Variants in PNP observed in about 807,000 individuals in gnomAD.
PNP encodes purine nucleoside phosphorylase, also known as HEL-S-156an.
Under a neutral mutation model 26.8 loss-of-function variants are expected in PNP, and 18 were observed. The observed-to-expected ratio is 0.67, with a 90% confidence interval of 0.46 to 1.00. The LOEUF (loss-of-function observed/expected upper bound fraction) is 1.00, where lower values mean the gene tolerates loss of function less well. Ranked by LOEUF, PNP falls within the 50% of genes least tolerant of loss-of-function variation. PNP has a pLI of 0.00. For synonymous variants in PNP, 116 were observed against 124.8 expected, an observed-to-expected ratio of 0.93 and a Z score of 0.47; for missense variants, 320 against 362.9, an observed-to-expected ratio of 0.88 and a Z score of 0.96.
Position 20,472,737 on chromosome 14 carries a change from T to C in PNP, c.181+260T>C, listed in dbSNP as rs937624080. On this transcript the variant is annotated intron_variant, in intron 2 of 5. Transcript: ENST00000361505. ...AGAGGGCCAGGTGACAGGGGCCAAG[T>C]AAAGGGCAAGGGTTGTTTATTTGGT... The C allele has an allele frequency of 5.9e-5, 32 of 541,384 alleles. 1 individual carries two copies. The East Asian group carries it at 1.0e-3, about 17-fold the overall frequency. 33.5% of individuals were successfully genotyped at this position (541,384 alleles called of 1,614,324 possible). A position where few individuals can be genotyped will look rare whatever the true frequency, so the allele number is the denominator to read the frequency against.
chr14:20,474,389 G>A lies in PNP; in HGVS notation c.182-83G>A, dbSNP rs368751270. ...TACAACCTAACATTTTGAGCAGAGC[G>A]AGTAACTCACAGTAGGTGCTTAATG... On this transcript the variant is annotated intron_variant, in intron 2 of 5. Coordinates refer to ENST00000361505, the MANE Select transcript of PNP (RefSeq NM_000270.4). 39 of 1,117,076 alleles carry A rather than the reference G, an allele frequency of 3.5e-5. No homozygotes were observed. The African/African-American group carries it at 4.4e-4, about 13-fold the overall frequency. 69.2% of individuals were successfully genotyped at this position (1,117,076 alleles called of 1,614,324 possible).
intron 2 of PNP, 131 bp from the exon 3 acceptor site, chr14:20,474,341 T>G: frequency 1.3e-6 from 1 of 777,172 alleles, no homozygotes; most frequent in Non-Finnish European, 2.2e-6. Context: ...AAAGCAGAGA[T>G]AATAATGAGT....
chr14:20,474,964 C>A lies in PNP; in HGVS notation c.461+16C>A. On this transcript the variant is annotated intron_variant, in intron 4 of 5. Transcript: ENST00000361505. ...ATGATGAAAGGTATGTATGTTACTC[C>A]GTTTTTTTTAGGTGGGTAGGATTTA... The A allele has an allele frequency of 6.2e-7, 1 of 1,613,876 alleles. No individual in the cohort carries two copies. Among genetic ancestry groups the A allele is most frequent in the Non-Finnish European group, 8.5e-7 (1 of 1,179,838 alleles).
chr14:20,477,054 CA>C lies in PNP; in HGVS notation c.*454del, dbSNP rs2139340458. The C allele has an allele frequency of 4.6e-6, 1 of 215,584 alleles. No homozygotes were observed. Among genetic ancestry groups the C allele is most frequent in the South Asian group, 7.0e-5 (1 of 14,274 alleles). The allele number at this position is 215,584 out of a possible 1,614,324, so 13.4% of individuals were successfully genotyped here. ...ATACCTCTTGGATTTTATTTAATGT[CA>C]TAATGTTGTCAGAATAAAGAGAAAG... On this transcript the variant is annotated 3_prime_UTR_variant, in exon 6 of 6. Transcript: ENST00000361505.
In PNP at chr14:20,476,774, C is replaced by T. The variant is rs1347907855; in HGVS notation, c.*173C>T. On this transcript the variant is annotated 3_prime_UTR_variant, in exon 6 of 6. Transcript: ENST00000361505. ...CCAGACCCTTCTGGTGCCAGATCCT[C>T]TTCTCAAAGCTGGGATTACAGGTGT... 1.0e-5 allele frequency: 7 copies of T among 670,634 alleles called. No individual in the cohort carries two copies. The Admixed American group carries it at 1.1e-4, about 10-fold the overall frequency. The allele number at this position is 670,634 out of a possible 1,614,324, so 41.5% of individuals were successfully genotyped here.
At position 20,476,891 on chromosome 14, in the gene PNP, T is replaced by C; in HGVS notation, c.*290T>C. ...GCTGGAGCCCGTGCCCTACCACACA[T>C]CTGTGGAGATGCCCAGGATTTGACT... On this transcript the variant is annotated 3_prime_UTR_variant, in exon 6 of 6. Transcript: ENST00000361505. The C allele has an allele frequency of 2.3e-6, 1 of 437,842 alleles. No homozygotes were observed. Among genetic ancestry groups the C allele is most frequent in the Non-Finnish European group, 4.3e-6 (1 of 235,012 alleles). 27.1% of individuals were successfully genotyped at this position (437,842 alleles called of 1,614,324 possible).
At chr14:20,475,273 G>A in intron 5 of PNP, 21 bp downstream of exon 5, 1 of 1,606,254 alleles carries the variant, frequency 6.2e-7, no homozygotes, top group Non-Finnish European at 8.5e-7. Flanking sequence ...GAATTTGGCT[G>A]GAAGCTTGAA....
intron 1 of PNP, among the ~76,000 whole-genome samples, chr14:20,470,303 T>C (rs1881961093): frequency 6.6e-6 from 1 of 152,254 alleles, no homozygotes; most frequent in Non-Finnish European, 1.5e-5. Flanking sequence ...AGACATGCCA[T>C]GTGGCGGCAG....
intron 2 of PNP, chr14:20,474,252 A>AC (rs1882049141): frequency 1.9e-6 from 1 of 523,596 alleles, no homozygotes; most frequent in African/African-American, 1.9e-5. Context: ...TGCTGAACGC[A>AC]CCCCATATCT....
In PNP at chr14:20,475,210, G is replaced by A; in HGVS notation, c.610G>A (p.Ala204Thr). The stretch of plus-strand genomic sequence containing the variant: ...GGCAGGCCCCAGCTTTGAGACTGTG[G>A]CAGAATGTCGTGTGCTGCAGAAGCT... Reference protein sequence around the residue: ...MVAGPSFETVAECRVLQKLGA... With the variant: ...MVAGPSFETVTECRVLQKLGA... Residue 204 changes from alanine (A) to threonine (T), a missense_variant, in exon 5 of 6, where the codon GCA becomes ACA. Transcript: ENST00000361505. 1 of 1,613,940 alleles carries A rather than the reference G, an allele frequency of 6.2e-7. No homozygotes were observed. The highest frequency in any genetic ancestry group is 8.5e-7 in the Non-Finnish European group (1 of 1,179,840).
At chr14:20,472,619 C>G (rs909743606) in intron 2 of PNP, 142 bp downstream of exon 2, 7 of 820,748 alleles carry the variant, frequency 8.5e-6, no homozygotes, top group African/African-American at 6.8e-5. Flanking sequence ...AAAAGCCCAC[C>G]ATGAGTCAGA....
In PNP at chr14:20,474,799, C is replaced by T. The variant is rs1240240033; in HGVS notation, c.312C>T (p.His104=). ...TGACATTCCCAGTGAGGGTTTTCCA[C>T]CTTCTGGGTGTGGACACCCTGGTAG... ...WKVTFPVRVF[H]LLGVDTLVVT... is the part of the protein sequence containing the mutation. The change falls in exon 4 of 6, where the codon CAC becomes CAT. Residue 104 remains histidine (H), a synonymous_variant. Transcript: ENST00000361505. 3.1e-6 allele frequency: 5 copies of T among 1,614,026 alleles called. No homozygotes were observed. In the Admixed American group the frequency reaches 6.7e-5, roughly 22 times the overall value.
chr14:20,469,566 TG>T, intron 1 of PNP, 31 bp downstream of exon 1: 1 of 1,554,386 alleles, frequency 6.4e-7, no homozygotes, highest in Non-Finnish European at 8.7e-7. Context: ...GCAGGACCCT[TG>T]GGGAGGGGCA....
chr14:20,469,426 G>C lies in PNP; in HGVS notation c.-99G>C, dbSNP rs1056105284. ...GAGCCAACTGTGCGAACCAGACCCGGCAGCCTTGCTCAGTTCAGCATAGCG... is the reference window on the plus strand; with the variant it reads ...GAGCCAACTGTGCGAACCAGACCCGCCAGCCTTGCTCAGTTCAGCATAGCG... On this transcript the variant is annotated 5_prime_UTR_variant, in exon 1 of 6. Transcript: ENST00000361505. 19 of 1,488,722 alleles carry C rather than the reference G, an allele frequency of 1.3e-5. No individual in the cohort carries two copies. The highest frequency in any genetic ancestry group is 8.5e-5 in the South Asian group (7 of 82,814). 92.2% of individuals were successfully genotyped at this position (1,488,722 alleles called of 1,614,324 possible). A position where few individuals can be genotyped will look rare whatever the true frequency, so the allele number is the denominator to read the frequency against.
intron 1 of PNP, among the ~76,000 whole-genome samples, chr14:20,471,043 A>G (rs1008424704): frequency 1.3e-5 from 2 of 151,498 alleles, no homozygotes; most frequent in African/African-American, 2.4e-5. Flanking sequence ...TTATTTATTT[A>G]TTTTGGAGTC....
intron 1 of PNP, among the ~76,000 whole-genome samples, chr14:20,472,057 A>G (rs1881997892): frequency 1.3e-5 from 2 of 152,196 alleles, no homozygotes. Context: ...GCCTGTTAGT[A>G]GAAACAGGCT....
chr14:20,469,478 A>T lies in PNP; in HGVS notation c.-47A>T. 1 of 1,549,986 alleles carries T rather than the reference A, an allele frequency of 6.5e-7. No individual in the cohort carries two copies. The highest frequency in any genetic ancestry group is 8.7e-7 in the Non-Finnish European group (1 of 1,146,962). Reference sequence around the variant, plus strand: ...AGCGGATCCGATCGGATCGGAGCGGATCGGAGCACACCGGAGCAGGCTCAT... The same window carrying T: ...AGCGGATCCGATCGGATCGGAGCGGTTCGGAGCACACCGGAGCAGGCTCAT... On this transcript the variant is annotated 5_prime_UTR_variant, in exon 1 of 6. Coordinates refer to ENST00000361505, the MANE Select transcript of PNP (RefSeq NM_000270.4).
intron 1 of PNP, among the ~76,000 whole-genome samples, chr14:20,471,105 A>G (rs952679311): frequency 6.6e-6 from 1 of 151,158 alleles, no homozygotes; most frequent in Non-Finnish European, 1.5e-5. Context: ...ATCTTGGCTC[A>G]CTGCAACCTC....
At chr14:20,476,240 G>A (rs751736245) in intron 5 of PNP, 144 bp from the exon 6 acceptor site, 17 of 735,892 alleles carry the variant, frequency 2.3e-5, no homozygotes, top group Non-Finnish European at 3.4e-5. Context: ...CCAATGTACT[G>A]GGATTACAGG....
Sources: allele counts gnomAD v4.1 joint callset (sites outside exome capture counted in the v4.1 genomes callset), GRCh38; gene constraint gnomAD v4.1.1; transcripts MANE v1.5; gene names NCBI Gene and HGNC (gene_info 2026-07-23, HGNC 2026-07-21).